HMMR: variants seen among roughly 807,000 people sequenced by gnomAD.
HMMR encodes the protein hyaluronan mediated motility receptor, also known as intracellular hyaluronic acid-binding protein.
A neutral mutation model predicts 101.0 loss-of-function variants in HMMR; 108 were observed. The observed-to-expected ratio is 1.07, with a 90% confidence interval of 0.92 to 1.25. The LOEUF (loss-of-function observed/expected upper bound fraction) is 1.25, where lower values mean the gene tolerates loss of function less well. Ranked by LOEUF, HMMR falls within the 50% of genes most tolerant of loss-of-function variation. The pLI is 0.00. For synonymous variants in HMMR, 296 were observed against 276.4 expected (o/e 1.07, Z -0.70); for missense variants, 813 against 788.7 (o/e 1.03, Z -0.37).
chr5:163,489,883 C>T (rs897508234), intron 16 of HMMR, among the ~76,000 whole-genome samples: 28 of 152,298 alleles, frequency 1.8e-4, no homozygotes, highest in African/African-American at 5.8e-4. Flanking sequence ...AGCCGTCTGG[C>T]GTGGACTTTG....
chr5:163,474,066 T>G lies in HMMR; in HGVS notation c.914T>G (p.Val305Gly), dbSNP rs146089957. The G allele has an allele frequency of 1.6e-5, 26 of 1,608,232 alleles. No individual in the cohort carries two copies. The highest frequency in any genetic ancestry group is 2.0e-5 in the Non-Finnish European group (24 of 1,177,500). Residue 305 changes from valine (V) to glycine (G), a missense_variant, in exon 10 of 18, where the codon GTC (valine) becomes GGC (glycine). Val to Gly is a moderately radical substitution (Grantham distance 109). Transcript: ENST00000393915. ...GTTTTGCGTTTTCTAGAAGACCATG[T>G]CAACAGGAATAGAGAACACAACGAA... ...QLLEKEKEDH[V>G]NRNREHNENL...
chr5:163,461,906 T>C (rs1362308157), intron 1 of HMMR, among the ~76,000 whole-genome samples: 1 of 149,612 alleles, frequency 6.7e-6, no homozygotes, highest in Non-Finnish European at 1.5e-5. Flanking sequence ...ACAGAGGTTT[T>C]GTATCTTGCA....
Position 163,484,121 on chromosome 5 carries a change from G to A in HMMR, c.1838G>A (p.Gly613Asp). The A allele has an allele frequency of 6.9e-6, 11 of 1,603,378 alleles. No individual in the cohort carries two copies. The highest frequency in any genetic ancestry group is 9.4e-6 in the Non-Finnish European group (11 of 1,173,938). ...AAACAGGCATTGTTGAATGAACATGGTGCAGCTCAGGAACAGCTAAATAAA... is the reference window on the plus strand; with the variant it reads ...AAACAGGCATTGTTGAATGAACATGATGCAGCTCAGGAACAGCTAAATAAA... ...VEKQALLNEH[G>D]AAQEQLNKIR... The change falls in exon 16 of 18, where the codon GGT (glycine) becomes GAT (aspartate). Residue 613 changes from glycine to aspartate, a missense_variant. Physicochemically the swap from Gly to Asp is moderately conservative, Grantham distance 94. Coordinates refer to ENST00000393915, the MANE Select transcript of HMMR (RefSeq NM_001142556.2).
intron 1 of HMMR, among the ~76,000 whole-genome samples, chr5:163,463,034 A>T (rs1758589536): frequency 6.6e-6 from 1 of 152,120 alleles, no homozygotes; most frequent in African/African-American, 2.4e-5. Context: ...GGCTAGTAGT[A>T]TTTTAATTAC....
intron 4 of HMMR, among the ~76,000 whole-genome samples, chr5:163,468,095 A>G (rs1758759319): frequency 6.6e-6 from 1 of 152,236 alleles, no homozygotes; most frequent in African/African-American, 2.4e-5. Context: ...TTAACACAAC[A>G]TAGCTAGAGG....
chr5:163,477,120 CTTAT>C (rs1759093572), intron 11 of HMMR, among the ~76,000 whole-genome samples: 1 of 152,176 alleles, frequency 6.6e-6, no homozygotes, highest in African/African-American at 2.4e-5. Flanking sequence ...CTCCCATACA[CTTAT>C]TTATTTCATT....
At chr5:163,481,390 GT>G (rs1197344657) in intron 12 of HMMR, among the ~76,000 whole-genome samples, 1 of 151,986 alleles carries the variant, frequency 6.6e-6, no homozygotes, top group African/African-American at 2.4e-5. Flanking sequence ...GCTTCAGGGG[GT>G]TTTTATCTAT....
intron 8 of HMMR, 35 bp from the exon 9 acceptor site, chr5:163,473,344 A>T: frequency 6.4e-7 from 1 of 1,562,124 alleles, no homozygotes; most frequent in South Asian, 1.1e-5. Flanking sequence ...GTGCCTAAAT[A>T]GATGTGCTTT....
In HMMR at chr5:163,471,362, G is replaced by A. The variant is rs1320772270; in HGVS notation, c.550-1G>A. The A allele has an allele frequency of 1.1e-5, 18 of 1,613,770 alleles. No homozygotes were observed. The highest frequency in any genetic ancestry group is 1.4e-5 in the Non-Finnish European group (17 of 1,179,820). ...CTAAAACAGGTATCTTTGTTGTGTA[G>A]GGTATGATGGCTAAGCAAGAAGGCA... On this transcript the variant is annotated splice_acceptor_variant, in intron 6 of 17. Transcript: ENST00000393915. LOFTEE classifies it high-confidence loss of function.
intron 17 of HMMR, among the ~76,000 whole-genome samples, 173 bp from the exon 18 acceptor site, chr5:163,490,939 T>G (rs1759671349): frequency 6.6e-6 from 1 of 152,220 alleles, no homozygotes; most frequent in Non-Finnish European, 1.5e-5. Context: ...CTGTGAATGT[T>G]TGTCTTTCAC....
At chr5:163,483,647 G>A (rs1290486242) in intron 15 of HMMR, among the ~76,000 whole-genome samples, 1 of 151,990 alleles carries the variant, frequency 6.6e-6, no homozygotes, top group African/African-American at 2.4e-5. Flanking sequence ...TTAAAAGTTT[G>A]GCTCAGAGGG....
intron 11 of HMMR, among the ~76,000 whole-genome samples, chr5:163,475,969 T>A (rs1759058956): frequency 6.6e-6 from 1 of 152,098 alleles, no homozygotes; most frequent in Admixed American, 6.5e-5. Flanking sequence ...TTACACTTCT[T>A]TACTACTCTG....
At chr5:163,461,901 G>GGTTTT (rs1383404004) in intron 1 of HMMR, among the ~76,000 whole-genome samples, 2 of 150,666 alleles carry the variant, frequency 1.3e-5, no homozygotes, top group African/African-American at 4.9e-5. Flanking sequence ...AGAAAACAGA[G>GGTTTT]GTTTTGTATC....
intron 5 of HMMR, among the ~76,000 whole-genome samples, chr5:163,470,175 A>G (rs1270656667): frequency 6.6e-6 from 1 of 152,068 alleles, no homozygotes; most frequent in African/African-American, 2.4e-5. Context: ...CTCAAAAAAC[A>G]AAACAAAACA....
chr5:163,488,915 C>G (rs1043924662), intron 16 of HMMR, among the ~76,000 whole-genome samples: 2 of 151,848 alleles, frequency 1.3e-5, no homozygotes, highest in Non-Finnish European at 2.9e-5. Context: ...CAGCCTGTAT[C>G]TTAAATCTCC....
At chr5:163,469,615 TTTA>T (rs1758809101) in intron 4 of HMMR, 23 bp from the exon 5 acceptor site, 1 of 1,589,436 alleles carries the variant, frequency 6.3e-7, no homozygotes, top group Non-Finnish European at 8.6e-7. Flanking sequence ...CAGTGAATCA[TTTA>T]TTATCACCTT....
intron 9 of HMMR, 143 bp downstream of exon 9, chr5:163,473,700 CA>C (rs371846261): frequency 1.8e-6 from 1 of 554,344 alleles, no homozygotes; most frequent in Non-Finnish European, 3.1e-6. Context: ...AGCTATACAA[CA>C]GCAAAAACCT....
chr5:163,483,449 G>C, intron 15 of HMMR, 82 bp downstream of exon 15: 1 of 713,530 alleles, frequency 1.4e-6, no homozygotes, highest in East Asian at 2.5e-5. Flanking sequence ...CAGTGACTCG[G>C]GTTTTCTGCA....
Position 163,484,212 on chromosome 5 carries a change from G to C in HMMR, c.1929G>C (p.Val643=). The C allele has an allele frequency of 6.3e-7, 1 of 1,599,846 alleles. No individual in the cohort carries two copies. The highest frequency in any genetic ancestry group is 1.8e-5 in the Admixed American group (1 of 57,034). The change falls in exon 16 of 18, where the codon GTG becomes GTC. Residue 643 remains valine, a synonymous_variant. Coordinates refer to ENST00000393915, the MANE Select transcript of HMMR (RefSeq NM_001142556.2). ...QNLKQKIKHV[V]KLKDENSQLK... ...TGAAACAAAAAATCAAGCATGTTGT[G>C]AAGTTGAAAGATGAAAATAGCCAAC...
Sources: gnomAD v4.1 joint callset for allele counts (sites outside exome capture counted in the v4.1 genomes callset) on GRCh38, gnomAD v4.1.1 for gene constraint, MANE v1.5 for transcripts, NCBI Gene and HGNC (gene_info 2026-07-23, HGNC 2026-07-21) for gene names.